GLRA1: variants seen among roughly 807,000 people sequenced by gnomAD.
The protein encoded by GLRA1 is glycine receptor alpha 1.
GLRA1 carries 37 observed loss-of-function variants against 48.3 expected under a neutral mutation model. That is an observed-to-expected ratio of 0.77 (90% CI 0.59 to 1.01). The LOEUF (loss-of-function observed/expected upper bound fraction) is 1.01, where lower values mean the gene tolerates loss of function less well. Among genes scored for constraint, GLRA1 ranks in the 50% least tolerant of loss-of-function variants. The pLI is 0.00. For missense variants in GLRA1, 427 were observed against 571.0 expected (o/e 0.75, Z 2.57); for synonymous variants, 196 against 210.7 (o/e 0.93, Z 0.60).
At chr5:151,842,168 C>A (rs1390605671) in intron 7 of GLRA1, among the ~76,000 whole-genome samples, 1 of 151,816 alleles carries the variant, frequency 6.6e-6, no homozygotes, top group East Asian at 1.9e-4. Flanking sequence ...TGGCTTCTTT[C>A]ATTAATTCTA....
At chr5:151,887,893 C>T (rs1247460896) in intron 2 of GLRA1, among the ~76,000 whole-genome samples, 1 of 152,228 alleles carries the variant, frequency 6.6e-6, no homozygotes, top group Non-Finnish European at 1.5e-5. Context: ...CGAAAGACCT[C>T]AGAAAGGTGG....
chr5:151,840,527 A>T (rs926261033), intron 7 of GLRA1, among the ~76,000 whole-genome samples: 3 of 152,200 alleles, frequency 2.0e-5, no homozygotes, highest in Non-Finnish European at 4.4e-5. Context: ...ACATTAATTA[A>T]ATTAAGTGGA....
At chr5:151,920,565 C>T (rs753247125) in intron 1 of GLRA1, among the ~76,000 whole-genome samples, 10 of 152,048 alleles carry the variant, frequency 6.6e-5, no homozygotes, top group Admixed American at 6.6e-5. Context: ...GGAGCCAAAT[C>T]GTAACATTTT....
At position 151,907,682 on chromosome 5, in the gene GLRA1, G is replaced by A. The variant is rs186548183; in HGVS notation, c.57-15244C>T. On this transcript the variant is annotated intron_variant, in intron 1 of 8. Transcript: ENST00000274576. ...CTGTCTTTGTCTACAAAAGTCTCAA[G>A]GCCTGGGATGGCCCAGACAGTTGTG... 5.9e-5 allele frequency among the ~76,000 whole-genome samples: 9 copies of A among 152,310 alleles called. No homozygotes were observed. In the East Asian group the frequency reaches 1.7e-3, roughly 29 times the overall value.
Position 151,907,474 on chromosome 5 carries a change from A to G in GLRA1, c.57-15036T>C, listed in dbSNP as rs368613237. Among the ~76,000 whole-genome samples, 51 of 152,366 alleles carry G rather than the reference A, an allele frequency of 3.3e-4. No homozygotes were observed. The East Asian group carries it at 6.2e-3, about 18-fold the overall frequency. On this transcript the variant is annotated intron_variant, in intron 1 of 8. Transcript: ENST00000274576. ...CTTTAAAACAGGGGCAGTGGAATAA[A>G]CAAAAGGAAGAATATTCAAACTGAA...
intron 1 of GLRA1, among the ~76,000 whole-genome samples, chr5:151,897,484 C>T (rs1754252264): frequency 6.6e-6 from 1 of 151,444 alleles, no homozygotes; most frequent in African/African-American, 2.4e-5. Context: ...TACTAAAATA[C>T]AATGGGTGAA....
rs199561280 is a variant in GLRA1 at position 151,822,809 on chromosome 5, C to A, written c.1214G>T (p.Arg405Leu). 2.5e-6 allele frequency: 4 copies of A among 1,613,926 alleles called. No individual in the cohort carries two copies. The highest frequency in any genetic ancestry group is 3.4e-6 in the Non-Finnish European group (4 of 1,180,002). The change falls in exon 9 of 9, where the codon CGA (arginine) becomes CTA (leucine). Residue 405 changes from arginine to leucine, a missense_variant. Coordinates refer to ENST00000274576, the MANE Select transcript of GLRA1 (RefSeq NM_000171.4). ...PAPSKSPEEM[R>L]KLFIQRAKKI... Reference sequence around the variant, plus strand: ...CTTGGCCCTCTGGATGAAGAGTTTTCGCATCTCCTCTGGGGACTTAGATGG... The same window carrying A: ...CTTGGCCCTCTGGATGAAGAGTTTTAGCATCTCCTCTGGGGACTTAGATGG...
At chr5:151,871,598 T>C (rs1031303166) in intron 3 of GLRA1, among the ~76,000 whole-genome samples, 1 of 148,550 alleles carries the variant, frequency 6.7e-6, no homozygotes, top group Non-Finnish European at 1.5e-5. Context: ...TCTCGCTCTG[T>C]CGCCCAGGCT....
rs139068026 is a variant in GLRA1, at chr5:151,864,268, T to C, written c.253-4260A>G. Among the ~76,000 whole-genome samples the C allele has an allele frequency of 4.9e-3, 742 of 152,276 alleles. 2 individuals are homozygous for C. Among genetic ancestry groups the C allele is most frequent in the Middle Eastern group, 0.01 (3 of 294 alleles). On this transcript the variant is annotated intron_variant, in intron 3 of 8. Coordinates refer to ENST00000274576, the MANE Select transcript of GLRA1 (RefSeq NM_000171.4). ...GCTGCACTTTTGATGTTCTTGCCAG[T>C]GACATGTCAAGTCCGTTTATGTGGC...
chr5:151,908,903 A>G (rs560120445), intron 1 of GLRA1, among the ~76,000 whole-genome samples: 7 of 152,096 alleles, frequency 4.6e-5, no homozygotes, highest in African/African-American at 1.7e-4. Context: ...GGGTTTGTCC[A>G]CTGTCTTTCT....
intron 7 of GLRA1, among the ~76,000 whole-genome samples, chr5:151,845,159 G>T (rs1183155863): frequency 6.6e-6 from 1 of 152,024 alleles, no homozygotes; most frequent in Non-Finnish European, 1.5e-5. Context: ...CCTAAGAGAA[G>T]GCATTAATCT....
chr5:151,837,537 C>T (rs1346406878), intron 7 of GLRA1, among the ~76,000 whole-genome samples: 1 of 152,108 alleles, frequency 6.6e-6, no homozygotes. Flanking sequence ...GCACTGTTCA[C>T]AATAGCAAAG....
At chr5:151,883,434 A>G (rs1188645732) in intron 3 of GLRA1, among the ~76,000 whole-genome samples, 8 of 96,662 alleles carry the variant, frequency 8.3e-5, no homozygotes, top group Admixed American at 2.2e-4. Context: ...ACAAACATTT[A>G]TCTATAGGTT....
At chr5:151,921,880 T>A (rs1169264106) in intron 1 of GLRA1, among the ~76,000 whole-genome samples, 1 of 152,222 alleles carries the variant, frequency 6.6e-6, no homozygotes, top group East Asian at 1.9e-4. Context: ...ATCTTACTTA[T>A]GAAGACACAG....
chr5:151,850,115 T>C, intron 7 of GLRA1: 1 of 1,604,286 alleles, frequency 6.2e-7, no homozygotes, highest in South Asian at 1.1e-5. Context: ...GGTACCACTT[T>C]GGTTGGCCTT....
At chr5:151,866,331 C>T (rs1350579271) in intron 3 of GLRA1, among the ~76,000 whole-genome samples, 3 of 152,206 alleles carry the variant, frequency 2.0e-5, no homozygotes, top group Non-Finnish European at 2.9e-5. Flanking sequence ...TGAGGGCTTC[C>T]TATGCACCAC....
chr5:151,902,260 G>C (rs1754384256), intron 1 of GLRA1, among the ~76,000 whole-genome samples: 1 of 151,980 alleles, frequency 6.6e-6, no homozygotes, highest in East Asian at 1.9e-4. Context: ...AAGGTAGGAG[G>C]CCTGCTCAGT....
intron 3 of GLRA1, among the ~76,000 whole-genome samples, chr5:151,870,951 C>G (rs776772477): frequency 4.7e-5 from 7 of 149,870 alleles, no homozygotes; most frequent in Non-Finnish European, 1.0e-4. Flanking sequence ...TTCCCCACTT[C>G]AGTCATTCGT....
At chr5:151,865,749 G>A (rs1274920210) in intron 3 of GLRA1, among the ~76,000 whole-genome samples, 1 of 152,082 alleles carries the variant, frequency 6.6e-6, no homozygotes, top group Non-Finnish European at 1.5e-5. Context: ...CTCTCATTAT[G>A]AAATGACTAA....
Sources: gnomAD v4.1 joint callset for allele counts (sites outside exome capture counted in the v4.1 genomes callset) on GRCh38, gnomAD v4.1.1 for gene constraint, MANE v1.5 for transcripts, NCBI Gene and HGNC (gene_info 2026-07-23, HGNC 2026-07-21) for gene names.